The following INTS9 variants were observed in gnomAD, a reference collection of about 807,000 sequenced individuals.
INTS9 encodes the protein integrator complex subunit 9, also known as protein related to CPSF subunits of 74 kDa.
In INTS9, 55 loss-of-function variants were observed where a neutral mutation model predicts 79.7. The observed-to-expected ratio is 0.69, with a 90% CI of 0.56 to 0.86. The LOEUF is 0.86. Among genes scored for constraint, INTS9 ranks in the 40% least tolerant of loss-of-function variants. The pLI, the probability that INTS9 is intolerant of heterozygous loss-of-function variation, is 0.00. For missense variants in INTS9, 721 were observed against 831.5 expected, an observed-to-expected ratio of 0.87 and a Z score of 1.64; for synonymous variants, 319 against 325.2, an observed-to-expected ratio of 0.98 and a Z score of 0.20.
intron 2 of INTS9, among the ~76,000 whole-genome samples, chr8:28,852,098 AGTCTCAGCTACT>A (rs1807872139): frequency 1.3e-5 from 2 of 151,918 alleles, no homozygotes. Context: ...ACACGCTTGC[AGTCTCAGCTACT>A]TGGGAGGCCC....
chr8:28,844,738 C>T (rs1224821042), intron 4 of INTS9, among the ~76,000 whole-genome samples: 10 of 152,084 alleles, frequency 6.6e-5, no homozygotes, highest in Non-Finnish European at 1.5e-4. Flanking sequence ...ATTGCTTGAA[C>T]CCAGGAGGCT....
chr8:28,852,947 T>G (rs1329199345), intron 2 of INTS9, among the ~76,000 whole-genome samples: 1 of 152,238 alleles, frequency 6.6e-6, no homozygotes, highest in Non-Finnish European at 1.5e-5. Context: ...AAAGACATGC[T>G]GACTATAGAG....
chr8:28,775,632 G>T, intron 14 of INTS9, 127 bp downstream of exon 14: 1 of 1,023,444 alleles, frequency 9.8e-7, no homozygotes, highest in South Asian at 1.5e-5. Context: ...GATTATAGGC[G>T]TGAGCTACTG....
At chr8:28,853,023 A>G (rs188936616) in intron 2 of INTS9, among the ~76,000 whole-genome samples, 352 of 152,374 alleles carry the variant, frequency 2.3e-3, no homozygotes, top group African/African-American at 7.8e-3. Flanking sequence ...AAATTTTAAG[A>G]AACCAAAGGG....
chr8:28,888,415 G>A (rs903065744), intron 1 of INTS9, among the ~76,000 whole-genome samples: 1 of 148,240 alleles, frequency 6.7e-6, no homozygotes. Context: ...GTGCAGTGGT[G>A]CGCGCCTGTA....
At chr8:28,833,344 G>A (rs1806607917) in intron 6 of INTS9, among the ~76,000 whole-genome samples, 2 of 152,028 alleles carry the variant, frequency 1.3e-5, no homozygotes, top group East Asian at 1.9e-4. Flanking sequence ...AGACTATGCC[G>A]GGTGCAGTGG....
At chr8:28,772,810 A>G (rs1429248325) in intron 14 of INTS9, among the ~76,000 whole-genome samples, 1 of 87,384 alleles carries the variant, frequency 1.1e-5, no homozygotes, top group Non-Finnish European at 2.4e-5. Flanking sequence ...CCGTCTCAAA[A>G]AAAGAAAAAA....
At chr8:28,870,351 T>G (rs1425365267) in intron 1 of INTS9, among the ~76,000 whole-genome samples, 1 of 4,192 alleles carries the variant, frequency 2.4e-4, no homozygotes, top group African/African-American at 6.6e-4. Context: ...GAAAAAAGCT[T>G]TTTTTTTTTT....
chr8:28,889,860 G>C lies in INTS9; in HGVS notation c.9+14C>G. ...GCATCACCTTTGCCCTCTGACCTAG[G>C]AGCGAAGACTCACCAGTTTCATAAT... On this transcript the variant is annotated intron_variant, in intron 1 of 16. Coordinates refer to ENST00000521022, the MANE Select transcript of INTS9 (RefSeq NM_018250.4). 6.2e-7 allele frequency: 1 copy of C among 1,613,918 alleles called. No homozygotes were observed. Among genetic ancestry groups the C allele is most frequent in the South Asian group, 1.1e-5 (1 of 91,032 alleles).
intron 8 of INTS9, chr8:28,797,041 C>T (rs145905357): frequency 5.9e-6 from 1 of 169,726 alleles, no homozygotes; most frequent in African/African-American, 2.4e-5. Context: ...TCATCAGTGG[C>T]TCTCAAGCTT....
chr8:28,881,105 A>G (rs1455711079), intron 1 of INTS9, among the ~76,000 whole-genome samples: 11 of 136,402 alleles, frequency 8.1e-5, no homozygotes, highest in South Asian at 2.5e-4. Context: ...CCCGGCAGCC[A>G]CCCCGTCCGG....
At chr8:28,778,058 G>A (rs1803001503) in intron 12 of INTS9, 105 bp from the exon 13 acceptor site, 2 of 1,290,970 alleles carry the variant, frequency 1.5e-6, no homozygotes, top group South Asian at 3.2e-5. Context: ...CAGGGGGTCA[G>A]GAGGGAGCCA....
At chr8:28,864,297 T>G (rs953718336) in intron 1 of INTS9, among the ~76,000 whole-genome samples, 2 of 152,340 alleles carry the variant, frequency 1.3e-5, no homozygotes, top group South Asian at 2.1e-4. Flanking sequence ...ACACCATCAT[T>G]GTTGAGAAGT....
At chr8:28,860,777 C>T (rs933609500) in intron 1 of INTS9, among the ~76,000 whole-genome samples, 4 of 152,168 alleles carry the variant, frequency 2.6e-5, no homozygotes, top group Admixed American at 6.5e-5. Flanking sequence ...CCATGGCGCC[C>T]GACCCTCTCC....
At position 28,835,496 on chromosome 8, in the gene INTS9, C is replaced by G. The variant is rs746677224; in HGVS notation, c.402-118G>C. 3.9e-4 allele frequency: 251 copies of G among 636,186 alleles called. 1 individual carries two copies. Among genetic ancestry groups the G allele is most frequent in the Non-Finnish European group, 5.9e-4 (213 of 359,212 alleles). 39.4% of individuals were successfully genotyped at this position (636,186 alleles called of 1,614,324 possible). A position where few individuals can be genotyped will look rare whatever the true frequency, so the allele number is the denominator to read the frequency against. On this transcript the variant is annotated intron_variant, in intron 5 of 16. Transcript: ENST00000521022. The stretch of plus-strand genomic sequence containing the variant: ...ACCTCCCCCTACACCATTTCATCAT[C>G]ATCTTCCTCTCTGCTGCACATAAAC...
At chr8:28,827,966 A>G (rs1806249312) in intron 6 of INTS9, among the ~76,000 whole-genome samples, 1 of 152,178 alleles carries the variant, frequency 6.6e-6, no homozygotes, top group Non-Finnish European at 1.5e-5. Context: ...TCTGGTGAGC[A>G]TGAATCAGTC....
chr8:28,787,636 C>T (rs1036875787), intron 11 of INTS9, among the ~76,000 whole-genome samples, 193 bp downstream of exon 11: 4 of 152,166 alleles, frequency 2.6e-5, no homozygotes, highest in Admixed American at 6.5e-5. Flanking sequence ...GCTCCACGTG[C>T]GCAATAGAAA....
chr8:28,793,626 T>C, intron 10 of INTS9, 181 bp downstream of exon 10: 1 of 579,444 alleles, frequency 1.7e-6, no homozygotes, highest in Non-Finnish European at 2.9e-6. Flanking sequence ...ACAACTATTA[T>C]TCTAAACTTA....
chr8:28,828,158 T>C (rs757542659), intron 6 of INTS9, among the ~76,000 whole-genome samples: 1 of 152,240 alleles, frequency 6.6e-6, no homozygotes, highest in Non-Finnish European at 1.5e-5. Flanking sequence ...ATTTAATTCT[T>C]ATTTTACAGA....
Sources: gnomAD v4.1 joint callset for allele counts (sites outside exome capture counted in the v4.1 genomes callset) on GRCh38, gnomAD v4.1.1 for gene constraint, MANE v1.5 for transcripts, NCBI Gene and HGNC (gene_info 2026-07-23, HGNC 2026-07-21) for gene names.